PRKCE: variants seen among roughly 807,000 people sequenced by gnomAD.
The protein encoded by PRKCE is protein kinase C epsilon.
Under a neutral mutation model 85.4 loss-of-function variants are expected in PRKCE, and 16 were observed. That is an observed-to-expected ratio of 0.19 (90% CI 0.13 to 0.28). The LOEUF (loss-of-function observed/expected upper bound fraction) is 0.28, where lower values mean the gene tolerates loss of function less well. Among genes scored for constraint, PRKCE ranks in the 10% least tolerant of loss-of-function variants. The pLI, the probability that PRKCE is intolerant of heterozygous loss-of-function variation, is 1.00. For missense variants in PRKCE, 573 were observed against 975.2 expected (o/e 0.59, Z 5.49); for synonymous variants, 388 against 371.5 (o/e 1.04, Z -0.51).
chr2:45,823,959 T>C (rs560061826), intron 1 of PRKCE, among the ~76,000 whole-genome samples: 2 of 152,336 alleles, frequency 1.3e-5, no homozygotes, highest in East Asian at 3.9e-4. Flanking sequence ...GGCATTGCAC[T>C]CACAGGATGT....
At chr2:45,848,509 C>T (rs927930700) in intron 2 of PRKCE, among the ~76,000 whole-genome samples, 10 of 152,190 alleles carry the variant, frequency 6.6e-5, no homozygotes, top group Middle Eastern at 3.4e-3. Flanking sequence ...CAGGGTTTTG[C>T]CATGTTGGCC....
At chr2:46,073,934 G>C (rs920013278) in intron 10 of PRKCE, 1 of 152,160 alleles carries the variant, frequency 6.6e-6, no homozygotes, top group Non-Finnish European at 1.5e-5. Flanking sequence ...AAGCTGAACA[G>C]ATGCTCTCAC....
At chr2:45,679,178 A>C (rs1220043392) in intron 1 of PRKCE, among the ~76,000 whole-genome samples, 1 of 152,204 alleles carries the variant, frequency 6.6e-6, no homozygotes, top group East Asian at 1.9e-4. Context: ...CAAGCAGCAG[A>C]ATGGCAGTGT....
At chr2:45,694,663 C>T (rs1417024701) in intron 1 of PRKCE, among the ~76,000 whole-genome samples, 1 of 152,148 alleles carries the variant, frequency 6.6e-6, no homozygotes, top group Non-Finnish European at 1.5e-5. Context: ...TCAGGGAGGA[C>T]ATGAGTGAGA....
At chr2:45,823,847 G>T (rs1374345481) in intron 1 of PRKCE, among the ~76,000 whole-genome samples, 1 of 152,260 alleles carries the variant, frequency 6.6e-6, no homozygotes, top group East Asian at 1.9e-4. Flanking sequence ...TGGACAACTG[G>T]GTCTGTTCCG....
intron 2 of PRKCE, among the ~76,000 whole-genome samples, chr2:45,969,810 C>CTT (rs1243051402): frequency 1.3e-4 from 20 of 152,354 alleles, no homozygotes; most frequent in African/African-American, 4.6e-4. Context: ...CTTCAGCCTG[C>CTT]AAATTTGCTT....
intron 1 of PRKCE, chr2:45,677,701 G>A (rs1047485862): frequency 5.3e-6 from 1 of 188,388 alleles, no homozygotes; most frequent in Non-Finnish European, 9.9e-6. Context: ...ACATGGATTA[G>A]AACATTAGGA....
chr2:45,929,406 G>T (rs564426134), intron 2 of PRKCE, among the ~76,000 whole-genome samples: 147 of 152,250 alleles, frequency 9.7e-4, no homozygotes, highest in African/African-American at 3.4e-3. Flanking sequence ...CCATTTTGTG[G>T]CTTTTTAACC....
At chr2:45,826,344 G>T (rs1482410861) in intron 1 of PRKCE, among the ~76,000 whole-genome samples, 1 of 152,104 alleles carries the variant, frequency 6.6e-6, no homozygotes, top group Non-Finnish European at 1.5e-5. Context: ...CTAGATTCTG[G>T]GGCAGGTCTT....
chr2:45,890,293 C>T (rs773096564), intron 2 of PRKCE, among the ~76,000 whole-genome samples: 3 of 152,130 alleles, frequency 2.0e-5, no homozygotes, highest in Non-Finnish European at 4.4e-5. Context: ...GTACCCATTT[C>T]CTCTTTCCCT....
intron 10 of PRKCE, among the ~76,000 whole-genome samples, chr2:46,085,031 C>G (rs1669457707): frequency 6.6e-6 from 1 of 152,136 alleles, no homozygotes; most frequent in Admixed American, 6.5e-5. Context: ...TGTCCATTTC[C>G]CATCTCCACC....
At chr2:46,106,156 G>C (rs6708877) in intron 11 of PRKCE, among the ~76,000 whole-genome samples, 5,459 of 152,160 alleles carry the variant, frequency 0.036, 329 homozygotes, top group African/African-American at 0.12. Flanking sequence ...CCATGTATTA[G>C]TGGACCTATG....
At chr2:46,084,718 CAA>C (rs11314680) in intron 10 of PRKCE, among the ~76,000 whole-genome samples, 12,960 of 92,418 alleles carry the variant, frequency 0.14, 877 homozygotes, top group Middle Eastern at 0.2. Flanking sequence ...GAGACTCCAT[CAA>C]AAAAAAAAAA....
chr2:45,935,093 A>ACACCCAGCC (rs397970353), intron 2 of PRKCE, among the ~76,000 whole-genome samples: 5 of 151,858 alleles, frequency 3.3e-5, no homozygotes, highest in Non-Finnish European at 7.4e-5. Context: ...ACACACACAC[A>ACACCCAGCC]TAGAAAATGG....
chr2:45,661,243 C>T (rs1457203214), intron 1 of PRKCE, among the ~76,000 whole-genome samples: 1 of 148,170 alleles, frequency 6.7e-6, no homozygotes, highest in Admixed American at 6.7e-5. Context: ...AGTGCAGTGG[C>T]ATGATATCGG....
At chr2:46,042,945 G>A (rs183714336) in intron 10 of PRKCE, among the ~76,000 whole-genome samples, 10 of 152,324 alleles carry the variant, frequency 6.6e-5, no homozygotes, top group Admixed American at 2.0e-4. Context: ...ATTGGCCTCT[G>A]TGTAGCTCCC....
At chr2:45,680,570 A>G (rs1316440116) in intron 1 of PRKCE, among the ~76,000 whole-genome samples, 1 of 152,228 alleles carries the variant, frequency 6.6e-6, no homozygotes, top group Non-Finnish European at 1.5e-5. Flanking sequence ...AAGTAAGATA[A>G]AAACAGGCTT....
intron 2 of PRKCE, among the ~76,000 whole-genome samples, chr2:45,863,152 G>T (rs1411820882): frequency 6.6e-6 from 1 of 152,072 alleles, no homozygotes; most frequent in African/African-American, 2.4e-5. Flanking sequence ...GCAGAATTAG[G>T]CTACTCATTT....
At chr2:46,176,077 A>G (rs958362878) in intron 14 of PRKCE, among the ~76,000 whole-genome samples, 1 of 152,144 alleles carries the variant, frequency 6.6e-6, no homozygotes, top group Admixed American at 6.5e-5. Flanking sequence ...AGGATTGAGA[A>G]CCACTGTGTT....
Sources: allele counts gnomAD v4.1 joint callset (sites outside exome capture counted in the v4.1 genomes callset), GRCh38; gene constraint gnomAD v4.1.1; transcripts MANE v1.5; gene names NCBI Gene and HGNC (gene_info 2026-07-23, HGNC 2026-07-21).